The following OFD1 variants were observed in gnomAD, a reference collection of about 807,000 sequenced individuals.
OFD1 encodes centriole and centriolar satellite protein OFD1.
A neutral mutation model predicts 81.4 loss-of-function variants in OFD1; 12 were observed. The ratio of observed to expected loss-of-function variants is 0.15; its 90% CI spans 0.09 to 0.24. The LOEUF (loss-of-function observed/expected upper bound fraction) is 0.24, where lower values mean the gene tolerates loss of function less well. OFD1 is among the 10% of genes least tolerant of loss of function. The pLI is 1.00. For synonymous variants in OFD1, 256 were observed against 263.7 expected (o/e 0.97, Z 0.28); for missense variants, 685 against 733.9 (o/e 0.93, Z 0.77).
intron 3 of OFD1, 147 bp from the exon 4 acceptor site, chrX:13,738,697 AAG>A (rs1184203981): frequency 2.2e-6 from 1 of 449,957 alleles, no homozygotes; most frequent in African/African-American, 2.5e-5. Flanking sequence ...CAGTGTAAGA[AAG>A]AGCTTGAAAT....
At chrX:13,736,341 G>T (rs2046864322) in intron 2 of OFD1, 137 bp from the exon 3 acceptor site, 1 of 1,091,864 alleles carries the variant, frequency 9.2e-7, no homozygotes, top group African/African-American at 1.8e-5. Context: ...TCTGGCCATG[G>T]ATCTAGAACC....
chrX:13,756,864 C>A, intron 13 of OFD1, 97 bp downstream of exon 13: 2 of 669,391 alleles, frequency 3.0e-6, no homozygotes, highest in South Asian at 2.3e-5. Context: ...AGGTAGGGGG[C>A]TTACATTGGG....
chrX:13,765,369 C>T (rs970901327), intron 19 of OFD1, among the ~76,000 whole-genome samples: 15 of 110,955 alleles, frequency 1.4e-4, no homozygotes, highest in African/African-American at 4.9e-4. Context: ...AACAACATTC[C>T]TATTTTGAGA....
intron 20 of OFD1, 110 bp downstream of exon 20, chrX:13,767,394 C>T: frequency 1.2e-6 from 1 of 801,626 alleles, no homozygotes; most frequent in South Asian, 2.1e-5. Context: ...AGAGGTGCGG[C>T]AGATGCCTTA....
At chrX:13,738,633 TGATAAA>T (rs1314557960) in intron 3 of OFD1, 1 of 371,919 alleles carries the variant, frequency 2.7e-6, no homozygotes, top group Admixed American at 4.9e-5. Context: ...GTTAATTAGA[TGATAAA>T]GATATTTTAT....
At chrX:13,714,615 A>G in the OFD1 span, 1 of 412,269 alleles carries the variant, frequency 2.4e-6, no homozygotes, top group East Asian at 4.1e-5. Flanking sequence ...TCCAAAGTCT[A>G]AAGACCACAT....
chrX:13,753,982 GTA>G (rs1318352094), intron 11 of OFD1, among the ~76,000 whole-genome samples: 2 of 108,676 alleles, frequency 1.8e-5, no homozygotes, highest in African/African-American at 6.8e-5. Context: ...ACATTTCAGT[GTA>G]TTTTTTTTTT....
Position 13,753,505 on chromosome X carries a change from G to A in OFD1, c.1129+64G>A, listed in dbSNP as rs768903186. The A allele has an allele frequency of 3.4e-5, 37 of 1,078,851 alleles. 1 individual carries two copies. In the East Asian group the frequency reaches 1.1e-3, roughly 32 times the overall value. 88.9% of individuals were successfully genotyped at this position (1,078,851 alleles called of 1,213,427 possible). A position where few individuals can be genotyped will look rare whatever the true frequency, so the allele number is the denominator to read the frequency against. On this transcript the variant is annotated intron_variant, in intron 11 of 22. Coordinates refer to ENST00000340096, the MANE Select transcript of OFD1 (RefSeq NM_003611.3). ...CTGCTGTAGGTTATTAGCTTCCCAAGTTGGGTCTTTTCTATATTCTAAAAA... is the reference window on the plus strand; with the variant it reads ...CTGCTGTAGGTTATTAGCTTCCCAAATTGGGTCTTTTCTATATTCTAAAAA...
At chrX:13,730,570 T>C (rs995632476), upstream of OFD1, among the ~76,000 whole-genome samples, 4 of 111,675 alleles carry the variant, frequency 3.6e-5, no homozygotes, top group African/African-American at 1.3e-4. Flanking sequence ...TTGCTGGGTA[T>C]ATACCCAAAG....
the OFD1 span, among the ~76,000 whole-genome samples, chrX:13,725,542 C>A: frequency 8.9e-6 from 1 of 112,523 alleles, no homozygotes; most frequent in East Asian, 2.8e-4. Flanking sequence ...AACTAACAAA[C>A]AGAAAGGAAT....
intron 10 of OFD1, among the ~76,000 whole-genome samples, chrX:13,752,068 A>T (rs2047523886): frequency 8.9e-6 from 1 of 112,155 alleles, no homozygotes; most frequent in Admixed American, 9.5e-5. Flanking sequence ...TATATAAATT[A>T]TACTAGTGGT....
intron 5 of OFD1, among the ~76,000 whole-genome samples, chrX:13,742,129 A>G (rs760880120): frequency 6.2e-5 from 7 of 112,438 alleles, no homozygotes; most frequent in Non-Finnish European, 1.3e-4. Flanking sequence ...AGAATAAGAC[A>G]TATACATCAA....
the OFD1 span, among the ~76,000 whole-genome samples, chrX:13,717,034 T>TAAAAAAAAAAAA: frequency 2.6e-5 from 1 of 37,936 alleles, no homozygotes; most frequent in Non-Finnish European, 4.3e-5. Context: ...GATACTATGT[T>TAAAAAAAAAAAA]AAAAAAAAAA....
chrX:13,733,772 C>A (rs1368757600), upstream of OFD1, among the ~76,000 whole-genome samples: 1 of 109,613 alleles, frequency 9.1e-6, no homozygotes, highest in Non-Finnish European at 1.9e-5. Context: ...TTAATGATTC[C>A]TTTGCTCATT....
At chrX:13,746,551 A>G in intron 7 of OFD1, 96 bp downstream of exon 7, 1 of 1,036,806 alleles carries the variant, frequency 9.6e-7, no homozygotes, top group Non-Finnish European at 1.3e-6. Context: ...TAGAACTTTT[A>G]ATAACGAATG....
At chrX:13,734,146 G>C (rs1369884596), upstream of OFD1, 1 of 508,197 alleles carries the variant, frequency 2.0e-6, no homozygotes, top group Non-Finnish European at 3.5e-6. Context: ...GCAATATCTG[G>C]AGACATCTTT....
the OFD1 span, chrX:13,721,336 G>A: frequency 8.9e-6 from 1 of 112,240 alleles, no homozygotes; most frequent in South Asian, 3.7e-4. Flanking sequence ...GCACCTTATG[G>A]TGCACTTATG....
upstream of OFD1, among the ~76,000 whole-genome samples, chrX:13,731,284 T>G (rs1194448468): frequency 1.8e-5 from 2 of 112,074 alleles, no homozygotes; most frequent in Admixed American, 9.5e-5. Context: ...ACAGGGTACA[T>G]TCAGAGCGAC....
In OFD1 at chrX:13,753,554, A is replaced by T. The variant is rs921288386; in HGVS notation, c.1129+113A>T. On this transcript the variant is annotated intron_variant, in intron 11 of 22. Coordinates refer to ENST00000340096, the MANE Select transcript of OFD1 (RefSeq NM_003611.3). ...AAATACAGCTTACACTTCATTGTTC[A>T]TACAAAATTACACATTTTTTGTAAT... 28 of 680,726 alleles carry T rather than the reference A, an allele frequency of 4.1e-5. No homozygotes were observed. The Admixed American group carries it at 4.5e-4, about 11-fold the overall frequency. 56.1% of individuals were successfully genotyped at this position (680,726 alleles called of 1,213,427 possible).
Sources: allele counts gnomAD v4.1 joint callset (sites outside exome capture counted in the v4.1 genomes callset), GRCh38; gene constraint gnomAD v4.1.1; transcripts MANE v1.5; gene names NCBI Gene and HGNC (gene_info 2026-07-23, HGNC 2026-07-21).